The following CAMK2B variants were observed in gnomAD, a reference collection of about 807,000 sequenced individuals.
The protein encoded by CAMK2B is calcium/calmodulin-dependent protein kinase type II subunit beta.
Under a neutral mutation model 93.7 loss-of-function variants are expected in CAMK2B, and 27 were observed. The ratio of observed to expected loss-of-function variants is 0.29; its 90% CI spans 0.21 to 0.40. CAMK2B has a LOEUF of 0.40. Ranked by LOEUF, CAMK2B falls within the 10% of genes least tolerant of loss-of-function variation. The probability of loss-of-function intolerance (pLI) is 1.00; values close to 1 mark genes in which losing one functional copy is unlikely to be tolerated. For synonymous variants in CAMK2B, 374 were observed against 358.8 expected, an observed-to-expected ratio of 1.04 and a Z score of -0.48; for missense variants, 568 against 895.8, an observed-to-expected ratio of 0.63 and a Z score of 4.67.
rs1172646398 is a variant in CAMK2B, at chr7:44,224,725, G to A, written c.1597+1791C>T. Among the ~76,000 whole-genome samples, 1 of 152,184 alleles carries A rather than the reference G, an allele frequency of 6.6e-6. No homozygotes were observed. Among genetic ancestry groups the A allele is most frequent in the Non-Finnish European group, 1.5e-5 (1 of 68,028 alleles). ...AGGGAGGGCAGCTGCCCAGGGATCA[G>A]GCTGGATTGTGTATAATCCGCGATT... On this transcript the variant is annotated intron_variant, in intron 20 of 23. Coordinates refer to ENST00000395749, the MANE Select transcript of CAMK2B (RefSeq NM_001220.5). This position sits in a 1 kb window ranked among gnomAD's most constrained non-coding sequence, Gnocchi z 4.4.
chr7:44,292,128 C>T (rs559561674), intron 1 of CAMK2B, among the ~76,000 whole-genome samples: 63 of 152,248 alleles, frequency 4.1e-4, no homozygotes, highest in Non-Finnish European at 6.8e-4. Flanking sequence ...TGTTCCATAC[C>T]TCTCTCCTGG....
chr7:44,248,724 G>A lies in CAMK2B; in HGVS notation c.342-1532C>T, dbSNP rs1287670267. ...CTTCTTCCTCAAATAGCTCCCACCC[G>A]TCTTGGTCCCATCTGTACAGCGTCA... is the stretch of plus-strand genomic sequence containing the variant. On this transcript the variant is annotated intron_variant, in intron 5 of 23. Coordinates refer to ENST00000395749, the MANE Select transcript of CAMK2B (RefSeq NM_001220.5). This position sits in a 1 kb window ranked among gnomAD's most constrained non-coding sequence, Gnocchi z 4.1. 5.3e-5 allele frequency among the ~76,000 whole-genome samples: 8 copies of A among 152,168 alleles called. No homozygotes were observed. Among genetic ancestry groups the A allele is most frequent in the Non-Finnish European group, 1.0e-4 (7 of 68,022 alleles).
intron 2 of CAMK2B, among the ~76,000 whole-genome samples, chr7:44,281,640 C>A (rs376844024): frequency 6.6e-6 from 1 of 152,294 alleles, no homozygotes; most frequent in Admixed American, 6.5e-5. Context: ...CCCCCCAGCA[C>A]CCCAATCACC....
Position 44,228,658 on chromosome 7 carries a change from C to A in CAMK2B, c.1468+138G>T, listed in dbSNP as rs992672463. ...TAGCATGGGAGCCCACAGGAAGCCC[C>A]GCCAGGGCAGGACTCCAGGCTGCGG... On this transcript the variant is annotated intron_variant, in intron 19 of 23. Transcript: ENST00000395749. The A allele has an allele frequency of 6.4e-6, 5 of 786,096 alleles. No homozygotes were observed. In the East Asian group the frequency reaches 1.8e-4, roughly 28 times the overall value. The allele number at this position is 786,096 out of a possible 1,614,324, so 48.7% of individuals were successfully genotyped here. A position where few individuals can be genotyped will look rare whatever the true frequency, so the allele number is the denominator to read the frequency against.
chr7:44,303,717 A>G (rs1379675775), intron 1 of CAMK2B, among the ~76,000 whole-genome samples: 1 of 152,264 alleles, frequency 6.6e-6, no homozygotes, highest in Admixed American at 6.5e-5. Context: ...CAGTGCCAAA[A>G]GCACAATTCA....
intron 13 of CAMK2B, among the ~76,000 whole-genome samples, chr7:44,237,349 A>G (rs1019758419): frequency 6.6e-5 from 10 of 152,254 alleles, no homozygotes; most frequent in Non-Finnish European, 1.2e-4. Context: ...ATAAAAAGAC[A>G]GAAGTTCACA....
intron 2 of CAMK2B, among the ~76,000 whole-genome samples, chr7:44,274,890 C>T (rs1222810421): frequency 5.3e-5 from 8 of 152,202 alleles, no homozygotes; most frequent in Non-Finnish European, 1.0e-4. Flanking sequence ...GTAAGGATCC[C>T]ACCAGATGTG....
intron 2 of CAMK2B, among the ~76,000 whole-genome samples, chr7:44,264,681 G>C (rs573869913): frequency 6.6e-6 from 1 of 152,148 alleles, no homozygotes; most frequent in Admixed American, 6.5e-5. Flanking sequence ...AGCACTGCAC[G>C]GTCTTCCAGA....
intron 2 of CAMK2B, among the ~76,000 whole-genome samples, chr7:44,264,895 C>T (rs994996020): frequency 2.6e-5 from 4 of 152,132 alleles, no homozygotes; most frequent in Non-Finnish European, 4.4e-5. Context: ...GAGCTCAAAA[C>T]CCAGCAACAC....
In CAMK2B at chr7:44,262,978, C is replaced by G. The variant is rs187737020; in HGVS notation, c.220+27G>C. On this transcript the variant is annotated intron_variant, in intron 3 of 23. Coordinates refer to ENST00000395749, the MANE Select transcript of CAMK2B (RefSeq NM_001220.5). The stretch of plus-strand genomic sequence containing the variant: ...TGTCCGGGAGAAGGTGGGGACCCAT[C>G]CCCGCTCCCTACCCCAGGCTGCTCA... 9.0e-5 allele frequency: 144 copies of G among 1,604,148 alleles called. No homozygotes were observed. The African/African-American group carries it at 1.6e-3, about 17-fold the overall frequency.
chr7:44,325,339 G>A lies in CAMK2B; in HGVS notation c.65+18C>T, dbSNP rs1474799737. On this transcript the variant is annotated intron_variant, in intron 1 of 23. Transcript: ENST00000395749. ...CTCTGGGGTCCCCGGCCCAGCCCGCGCGCGCCGCTGCTCTTACTTGCCAAT... is the reference window on the plus strand; with the variant it reads ...CTCTGGGGTCCCCGGCCCAGCCCGCACGCGCCGCTGCTCTTACTTGCCAAT... The A allele has an allele frequency of 8.1e-7, 1 of 1,229,544 alleles. No homozygotes were observed. Among genetic ancestry groups the A allele is most frequent in the African/African-American group, 1.6e-5 (1 of 61,924 alleles). 76.2% of individuals were successfully genotyped at this position (1,229,544 alleles called of 1,614,324 possible).
chr7:44,275,065 C>T (rs1222044191), intron 2 of CAMK2B, among the ~76,000 whole-genome samples: 1 of 152,226 alleles, frequency 6.6e-6, no homozygotes, highest in African/African-American at 2.4e-5. Flanking sequence ...AAGCCCCTGA[C>T]CCTGCAAGAT....
At chr7:44,317,248 G>GAAAAA (rs556397526) in intron 1 of CAMK2B, among the ~76,000 whole-genome samples, 3 of 105,136 alleles carry the variant, frequency 2.9e-5, no homozygotes, top group Non-Finnish European at 6.0e-5. Context: ...CAGGAAAAAT[G>GAAAAA]AAAAAAAAAA....
intron 1 of CAMK2B, among the ~76,000 whole-genome samples, chr7:44,316,254 T>C (rs1396763962): frequency 2.0e-5 from 3 of 152,214 alleles, no homozygotes; most frequent in East Asian, 3.8e-4. Context: ...TTTTTTTAAA[T>C]GCTTTTTCTG....
intron 1 of CAMK2B, among the ~76,000 whole-genome samples, chr7:44,291,729 G>A (rs139418129): frequency 7.9e-5 from 12 of 152,322 alleles, no homozygotes; most frequent in African/African-American, 1.7e-4. Context: ...ATTAGCAAGC[G>A]TTTAGGAGGT....
chr7:44,256,333 TTGTGCATGTGAGCACA>T (rs576594958), intron 4 of CAMK2B, among the ~76,000 whole-genome samples: 110 of 152,356 alleles, frequency 7.2e-4, no homozygotes, highest in African/African-American at 2.5e-3. Context: ...GTATACTGGC[TTGTGCATGTGAGCACA>T]TGTGCATGTG....
At chr7:44,295,791 T>C (rs1162384661) in intron 1 of CAMK2B, among the ~76,000 whole-genome samples, 1 of 152,214 alleles carries the variant, frequency 6.6e-6, no homozygotes, top group African/African-American at 2.4e-5. Flanking sequence ...TGGGGCTTTA[T>C]CAGAGCCAAA....
At chr7:44,265,524 T>C (rs2096915031) in intron 2 of CAMK2B, among the ~76,000 whole-genome samples, 1 of 152,210 alleles carries the variant, frequency 6.6e-6, no homozygotes, top group South Asian at 2.1e-4. Flanking sequence ...TTTGAAAAAT[T>C]GCCTGATTAG....
rs2096434018 is a variant in CAMK2B at position 44,223,209 on chromosome 7, G to T, written c.1598-2308C>A. Among the ~76,000 whole-genome samples the T allele has an allele frequency of 3.3e-5, 5 of 152,310 alleles. No homozygotes were observed. In the South Asian group the frequency reaches 1.0e-3, roughly 32 times the overall value. On this transcript the variant is annotated intron_variant, in intron 20 of 23. Transcript: ENST00000395749. Reference sequence around the variant, plus strand: ...GTGTGTGCCTGTGTTGTGTGGCGTGGGCACATGTGCACTCTTGGGTTGTCC... The same window carrying T: ...GTGTGTGCCTGTGTTGTGTGGCGTGTGCACATGTGCACTCTTGGGTTGTCC...
Sources: allele counts gnomAD v4.1 joint callset (sites outside exome capture counted in the v4.1 genomes callset), GRCh38; gene constraint gnomAD v4.1.1; non-coding constraint Gnocchi (gnomAD v3.1); transcripts MANE v1.5; gene names NCBI Gene and HGNC (gene_info 2026-07-23, HGNC 2026-07-21).